UBAP2: variants seen among roughly 807,000 people sequenced by gnomAD.
UBAP2 encodes ubiquitin associated protein 2, also known as ubiquitin-associated protein 2.
UBAP2 carries 75 observed loss-of-function variants against 139.6 expected under a neutral mutation model. The ratio of observed to expected loss-of-function variants is 0.54; its 90% CI spans 0.45 to 0.65. The LOEUF (loss-of-function observed/expected upper bound fraction) is 0.65. UBAP2 is among the 30% of genes least tolerant of loss of function. UBAP2 has a pLI of 0.00. For missense variants in UBAP2, 1,368 were observed against 1,369.6 expected (o/e 1.00, Z 0.02); for synonymous variants, 526 against 526.2 (o/e 1.00, Z 0.01).
At chr9:34,028,928 C>G (rs185482567) in intron 1 of UBAP2, among the ~76,000 whole-genome samples, 1 of 151,970 alleles carries the variant, frequency 6.6e-6, no homozygotes, top group Non-Finnish European at 1.5e-5. Context: ...ACCTGGGCGG[C>G]GTGGCAAGTC....
chr9:33,995,531 TTATATTATTAAA>T (rs1376452495), intron 4 of UBAP2: 6 of 68,480 alleles, frequency 8.8e-5, no homozygotes, highest in East Asian at 5.8e-4. Context: ...ATAAATATAT[TTATATTATTAAA>T]TATATTATTA....
At chr9:33,953,734 T>G (rs1564028519) in intron 11 of UBAP2, among the ~76,000 whole-genome samples, 2 of 152,102 alleles carry the variant, frequency 1.3e-5, no homozygotes, top group Non-Finnish European at 2.9e-5. Context: ...ACTAACACAT[T>G]ATAAACTGAT....
chr9:34,022,433 CTTT>C (rs11387718), intron 1 of UBAP2, among the ~76,000 whole-genome samples: 23 of 112,362 alleles, frequency 2.0e-4, no homozygotes, highest in Non-Finnish European at 2.4e-4. Context: ...AGCAAGACCC[CTTT>C]TTTTTTTTTT....
chr9:33,972,035 C>T (rs10971826), intron 7 of UBAP2, among the ~76,000 whole-genome samples: 12,045 of 152,198 alleles, frequency 0.079, 682 homozygotes, highest in Non-Finnish European at 0.12. Flanking sequence ...GACAAGGAGA[C>T]GTATAATCTT....
chr9:33,995,942 G>C (rs1822163840), intron 4 of UBAP2: 1 of 290,520 alleles, frequency 3.4e-6, no homozygotes, highest in Non-Finnish European at 6.4e-6. Context: ...CTTTTCAGGT[G>C]GGGGTGGTGA....
chr9:34,029,687 A>G (rs1825721802), intron 1 of UBAP2, among the ~76,000 whole-genome samples: 1 of 151,778 alleles, frequency 6.6e-6, no homozygotes, highest in Admixed American at 6.6e-5. Context: ...AAAAATAAAA[A>G]GAAGAAGAAG....
At chr9:33,973,026 T>C (rs1362687111) in intron 7 of UBAP2, among the ~76,000 whole-genome samples, 157 bp downstream of exon 7, 1 of 152,156 alleles carries the variant, frequency 6.6e-6, no homozygotes, top group Non-Finnish European at 1.5e-5. Context: ...AAAAGATCAA[T>C]TTTATTCATA....
At chr9:33,954,674 T>C (rs1011658107) in intron 11 of UBAP2, among the ~76,000 whole-genome samples, 4 of 152,220 alleles carry the variant, frequency 2.6e-5, no homozygotes, top group Admixed American at 2.0e-4. Flanking sequence ...TTATAGACTA[T>C]AGCCAAGTTG....
At chr9:33,954,792 CAT>C (rs1287752376) in intron 11 of UBAP2, among the ~76,000 whole-genome samples, 2 of 152,188 alleles carry the variant, frequency 1.3e-5, no homozygotes, top group Non-Finnish European at 1.5e-5. Context: ...TACTATAAGA[CAT>C]AATCATTAAT....
Position 33,941,818 on chromosome 9 carries a change from T to G in UBAP2, c.1760A>C (p.Asn587Thr). 6.2e-7 allele frequency: 1 copy of G among 1,613,834 alleles called. No homozygotes were observed. The highest frequency in any genetic ancestry group is 2.2e-5 in the East Asian group (1 of 44,876). Residue 587 changes from asparagine (N) to threonine (T), a missense_variant, in exon 16 of 29, where the codon AAC (asparagine) becomes ACC (threonine). Physicochemically the swap from Asn to Thr is moderately conservative, Grantham distance 65. Transcript: ENST00000379238. ...AATGACGGAAGTTGTATATGTGGAGTTCTGTACTGCACTGGTCATTGATAA... is the reference window on the plus strand; with the variant it reads ...AATGACGGAAGTTGTATATGTGGAGGTCTGTACTGCACTGGTCATTGATAA... ...TSLSMTSAVQ[N>T]STYTTSVITS...
At chr9:33,924,102 A>C in intron 23 of UBAP2, 102 bp from the exon 24 acceptor site, 1 of 1,581,648 alleles carries the variant, frequency 6.3e-7, no homozygotes, top group Non-Finnish European at 8.7e-7. Context: ...AGCTCAGCAC[A>C]GGCTACTAAG....
At chr9:34,013,487 G>A (rs747302155) in intron 2 of UBAP2, among the ~76,000 whole-genome samples, 72 of 151,202 alleles carry the variant, frequency 4.8e-4, no homozygotes, top group Admixed American at 7.9e-4. Context: ...GCAAAACTCC[G>A]TCTCAAAAAA....
chr9:33,977,704 C>T (rs1442169783), intron 6 of UBAP2, among the ~76,000 whole-genome samples: 1 of 151,522 alleles, frequency 6.6e-6, no homozygotes, highest in Non-Finnish European at 1.5e-5. Context: ...GCTCTGTCAC[C>T]CAGGCTGGAG....
chr9:34,003,020 T>C lies in UBAP2; in HGVS notation c.100-4156A>G, dbSNP rs1287946579. 2.6e-5 allele frequency among the ~76,000 whole-genome samples: 4 copies of C among 151,858 alleles called. No homozygotes were observed. In the East Asian group the frequency reaches 5.8e-4, roughly 22 times the overall value. On this transcript the variant is annotated intron_variant, in intron 2 of 28. Coordinates refer to ENST00000379238, the MANE Select transcript of UBAP2 (RefSeq NM_001370062.2). Reference sequence around the variant, plus strand: ...TTCTTACTCTGCAAATTTTTATTACTACTAAAACACTGCCAGAGATCCATT... The same window carrying C: ...TTCTTACTCTGCAAATTTTTATTACCACTAAAACACTGCCAGAGATCCATT...
At chr9:33,959,165 A>AT (rs1826822431) in intron 10 of UBAP2, among the ~76,000 whole-genome samples, 1 of 151,936 alleles carries the variant, frequency 6.6e-6, no homozygotes, top group African/African-American at 2.4e-5. Context: ...AAAAAAAAAA[A>AT]TTAAAGTACT....
At chr9:33,923,575 C>A in intron 24 of UBAP2, 97 bp from the exon 25 acceptor site, 1 of 1,260,414 alleles carries the variant, frequency 7.9e-7, no homozygotes, top group Admixed American at 1.7e-5. Context: ...GTGACATACC[C>A]ACAACCACAG....
intron 2 of UBAP2, among the ~76,000 whole-genome samples, chr9:34,009,885 G>C (rs146413745): frequency 2.1e-5 from 3 of 145,182 alleles, no homozygotes; most frequent in Non-Finnish European, 3.0e-5. Flanking sequence ...TCTGCTCATC[G>C]CAACTTCCGC....
chr9:34,048,474 G>A (rs988850401), intron 1 of UBAP2, among the ~76,000 whole-genome samples: 1 of 152,214 alleles, frequency 6.6e-6, no homozygotes, highest in African/African-American at 2.4e-5. Context: ...GGAAGCTCCA[G>A]TCTACTGGCA....
At chr9:34,002,598 G>A (rs773440700) in intron 2 of UBAP2, among the ~76,000 whole-genome samples, 7 of 151,876 alleles carry the variant, frequency 4.6e-5, no homozygotes, top group Middle Eastern at 3.2e-3. Flanking sequence ...GGCTGGTCTC[G>A]AACTCCTGAC....
Sources: allele counts gnomAD v4.1 joint callset (sites outside exome capture counted in the v4.1 genomes callset), GRCh38; gene constraint gnomAD v4.1.1; transcripts MANE v1.5; gene names NCBI Gene and HGNC (gene_info 2026-07-23, HGNC 2026-07-21).